Variants in KATNA1 observed in about 807,000 individuals in gnomAD.
The protein encoded by KATNA1 is katanin p60 ATPase-containing subunit A1.
Under a neutral mutation model 62.6 loss-of-function variants are expected in KATNA1, and 42 were observed. That is an observed-to-expected ratio of 0.67 (90% CI 0.52 to 0.87). KATNA1 has a LOEUF of 0.87. Among genes scored for constraint, KATNA1 ranks in the 40% least tolerant of loss-of-function variants. The pLI, the probability that KATNA1 is intolerant of heterozygous loss-of-function variation, is 0.00. For missense variants in KATNA1, 498 were observed against 612.5 expected (o/e 0.81, Z 1.97); for synonymous variants, 186 against 201.9 (o/e 0.92, Z 0.67).
chr6:149,637,964 T>C (rs1345566982), intron 2 of KATNA1, among the ~76,000 whole-genome samples: 1 of 152,182 alleles, frequency 6.6e-6, no homozygotes, highest in Non-Finnish European at 1.5e-5. Flanking sequence ...ATAACTCACA[T>C]ACTCATGTTT....
chr6:149,607,516 A>C (rs1778788461), intron 4 of KATNA1, among the ~76,000 whole-genome samples: 1 of 152,182 alleles, frequency 6.6e-6, no homozygotes, highest in African/African-American at 2.4e-5. Context: ...CAAGAGGCTG[A>C]GAGGAGAATC....
At chr6:149,630,828 C>T (rs1019431238) in intron 3 of KATNA1, among the ~76,000 whole-genome samples, 21 of 152,148 alleles carry the variant, frequency 1.4e-4, no homozygotes, top group African/African-American at 4.8e-4. Context: ...CCTAAATCCA[C>T]GTTTTTAATT....
chr6:149,643,351 C>A (rs1371198972), intron 1 of KATNA1, among the ~76,000 whole-genome samples: 1 of 152,166 alleles, frequency 6.6e-6, no homozygotes, highest in African/African-American at 2.4e-5. Flanking sequence ...AAATTCCTGA[C>A]CCAGTGAAAC....
chr6:149,606,899 G>A (rs544688452), intron 4 of KATNA1, among the ~76,000 whole-genome samples: 1 of 152,044 alleles, frequency 6.6e-6, no homozygotes, highest in South Asian at 2.1e-4. Flanking sequence ...GGATTACAGG[G>A]GTGAGCCACC....
intron 4 of KATNA1, among the ~76,000 whole-genome samples, chr6:149,618,911 T>A (rs1281193241): frequency 6.6e-6 from 1 of 152,208 alleles, no homozygotes; most frequent in Non-Finnish European, 1.5e-5. Context: ...CTTCAGGACA[T>A]TGGTCTGGGC....
chr6:149,646,122 A>T (rs1266768951), intron 1 of KATNA1, among the ~76,000 whole-genome samples: 1 of 152,146 alleles, frequency 6.6e-6, no homozygotes. Flanking sequence ...CATTCAAGAA[A>T]TATTAAAGGA....
At chr6:149,603,063 C>T (rs1778609317) in intron 6 of KATNA1, among the ~76,000 whole-genome samples, 1 of 152,144 alleles carries the variant, frequency 6.6e-6, no homozygotes, top group Non-Finnish European at 1.5e-5. Flanking sequence ...TTCCAAAGAT[C>T]ACATTGTATG....
intron 4 of KATNA1, among the ~76,000 whole-genome samples, chr6:149,619,480 G>GC (rs1377796036): frequency 6.6e-6 from 1 of 152,132 alleles, no homozygotes; most frequent in Non-Finnish European, 1.5e-5. Context: ...AGGCGTGGTA[G>GC]CGTGTGCCTG....
Position 149,638,575 on chromosome 6 carries a change from A to G in KATNA1, c.-13-15T>C, listed in dbSNP as rs1174243704. The G allele has an allele frequency of 6.4e-7, 1 of 1,560,242 alleles. No individual in the cohort carries two copies. The highest frequency in any genetic ancestry group is 1.1e-5 in the South Asian group (1 of 87,086). ...TCAACTGTAAGCTAAAAAGAAGAAG[A>G]AAAAAAGAAACACTTTAGGTTTACA... On this transcript the variant is annotated splice_polypyrimidine_tract_variant and intron_variant, in intron 1 of 10. Transcript: ENST00000367411.
At chr6:149,613,179 CAAAAAAAAAAAAAAAAAAA>C (rs71270309) in intron 4 of KATNA1, among the ~76,000 whole-genome samples, 37 of 12,576 alleles carry the variant, frequency 2.9e-3, no homozygotes, top group South Asian at 0.012. Flanking sequence ...GACTCTGTCT[CAAAAAAAAAAAAAAAAAAA>C]AAAAAAAAAA....
At position 149,595,237 on chromosome 6, in the gene KATNA1, A is replaced by C. The variant is rs1778255551; in HGVS notation, c.1278-3T>G. 12 of 1,611,076 alleles carry C rather than the reference A, an allele frequency of 7.4e-6. No individual in the cohort carries two copies. The highest frequency in any genetic ancestry group is 1.0e-5 in the Non-Finnish European group (12 of 1,177,924). Reference sequence around the variant, plus strand: ...TCATTGCCATCAAGGACGCATCCCTAGGTTTTAAGTTAAAAACAACAACAA... The same window carrying C: ...TCATTGCCATCAAGGACGCATCCCTCGGTTTTAAGTTAAAAACAACAACAA... On this transcript the variant is annotated splice_region_variant and splice_polypyrimidine_tract_variant and intron_variant, in intron 10 of 10. Coordinates refer to ENST00000367411, the MANE Select transcript of KATNA1 (RefSeq NM_007044.4).
intron 2 of KATNA1, among the ~76,000 whole-genome samples, chr6:149,635,551 A>C (rs1439806032): frequency 6.6e-6 from 1 of 151,904 alleles, no homozygotes; most frequent in Non-Finnish European, 1.5e-5. Flanking sequence ...TACTAAAAGT[A>C]CAAAAAAATT....
chr6:149,601,082 T>C (rs1024581736), intron 7 of KATNA1, among the ~76,000 whole-genome samples: 8 of 152,194 alleles, frequency 5.3e-5, no homozygotes, highest in South Asian at 2.1e-4. Flanking sequence ...TGGAATTCAA[T>C]CTAAACACTC....
At chr6:149,600,409 G>T (rs1778492842) in intron 7 of KATNA1, among the ~76,000 whole-genome samples, 1 of 152,040 alleles carries the variant, frequency 6.6e-6, no homozygotes, top group Non-Finnish European at 1.5e-5. Flanking sequence ...AAGGTGGGCA[G>T]ATCACCTGAG....
chr6:149,604,064 T>C (rs1367729579), intron 5 of KATNA1, among the ~76,000 whole-genome samples: 1 of 152,218 alleles, frequency 6.6e-6, no homozygotes, highest in African/African-American at 2.4e-5. Flanking sequence ...TTGTAATACA[T>C]TACAGATCTT....
At chr6:149,628,385 A>G (rs1240682713) in intron 3 of KATNA1, among the ~76,000 whole-genome samples, 1 of 150,896 alleles carries the variant, frequency 6.6e-6, no homozygotes, top group Non-Finnish European at 1.5e-5. Context: ...CTGGGATTAC[A>G]GGCGTGAGCC....
intron 1 of KATNA1, among the ~76,000 whole-genome samples, chr6:149,642,621 A>G (rs1465249079): frequency 6.6e-6 from 1 of 152,238 alleles, no homozygotes; most frequent in East Asian, 1.9e-4. Flanking sequence ...ATTTACATAT[A>G]GCAACATGGA....
intron 1 of KATNA1, among the ~76,000 whole-genome samples, chr6:149,639,495 AG>A (rs1160729722): frequency 6.6e-6 from 1 of 152,058 alleles, no homozygotes; most frequent in East Asian, 1.9e-4. Context: ...GCTACTCAGG[AG>A]GCTGAGGCAG....
In KATNA1 at chr6:149,597,632, C is replaced by T. The variant is rs1207474735; in HGVS notation, c.1025G>A (p.Gly342Asp). 4 of 1,613,502 alleles carry T rather than the reference C, an allele frequency of 2.5e-6. No homozygotes were observed. The highest frequency in any genetic ancestry group is 3.4e-6 in the Non-Finnish European group (4 of 1,179,668). The change falls in exon 9 of 11, where the codon GGT (glycine) becomes GAT (aspartate). Residue 342 changes from glycine (G) to aspartate (D), a missense_variant. Around this residue, in one of 3 missense-constraint regions of KATNA1, gnomAD observed 267 missense variants for 372.6 expected, o/e 0.72. Coordinates refer to ENST00000367411, the MANE Select transcript of KATNA1 (RefSeq NM_007044.4). ...GGAAGGGTCATCATTTTCAGAAGTA[C>T]CTCCAACACCTAAAATAAGGGTAAG... ...ELLVQMDGVG[G>D]TSENDDPSKM...
Sources: allele counts gnomAD v4.1 joint callset (sites outside exome capture counted in the v4.1 genomes callset), GRCh38; gene constraint gnomAD v4.1.1; regional missense constraint gnomAD v4.1.1; transcripts MANE v1.5; gene names NCBI Gene and HGNC (gene_info 2026-07-23, HGNC 2026-07-21).